The following TNS1 variants were observed in gnomAD, a reference collection of about 807,000 sequenced individuals.
TNS1 encodes tensin-1.
In TNS1, 62 loss-of-function variants were observed where a neutral mutation model predicts 168.6. The ratio of observed to expected loss-of-function variants is 0.37; its 90% CI spans 0.30 to 0.45. The LOEUF is 0.45. Ranked by LOEUF, TNS1 falls within the 20% of genes least tolerant of loss-of-function variation. The pLI, the probability that TNS1 is intolerant of heterozygous loss-of-function variation, is 1.00. For synonymous variants in TNS1, 934 were observed against 933.2 expected, an observed-to-expected ratio of 1.00 and a Z score of -0.02; for missense variants, 2,240 against 2,339.4, an observed-to-expected ratio of 0.96 and a Z score of 0.88.
At chr2:217,863,559 T>C (rs1381391407) in intron 18 of TNS1, among the ~76,000 whole-genome samples, 1 of 152,028 alleles carries the variant, frequency 6.6e-6, no homozygotes, top group East Asian at 1.9e-4. Flanking sequence ...TGGGGTGTAA[T>C]AGACCGATCT....
At chr2:217,872,808 G>A (rs1949883678) in intron 18 of TNS1, among the ~76,000 whole-genome samples, 2 of 152,238 alleles carry the variant, frequency 1.3e-5, no homozygotes. Context: ...AATTGATGGT[G>A]ATGTATGGAT....
chr2:217,950,566 T>C (rs968616342), intron 3 of TNS1, among the ~76,000 whole-genome samples: 1 of 150,392 alleles, frequency 6.6e-6, no homozygotes, highest in Admixed American at 6.7e-5. Context: ...GGCTCACATG[T>C]GCTGTCCCAG....
chr2:218,004,375 C>G (rs755670954), upstream of TNS1, among the ~76,000 whole-genome samples: 212 of 151,860 alleles, frequency 1.4e-3, no homozygotes, highest in African/African-American at 4.1e-3. Context: ...GCCTCCCCCC[C>G]CCACTCACCC....
Position 217,897,869 on chromosome 2 carries a change from C to T in TNS1, c.472G>A (p.Glu158Lys), listed in dbSNP as rs1952487211. The change falls in exon 8 of 33, where the codon GAG (glutamate) becomes AAG (lysine). Residue 158 changes from glutamate (E) to lysine (K), a missense_variant. Physicochemically the swap from Glu to Lys is moderately conservative, Grantham distance 56. This residue lies in a region of TNS1 where 2,131 missense variants were observed against 2,171.2 expected (regional missense o/e 0.98). Coordinates refer to ENST00000682258, the MANE Select transcript of TNS1 (RefSeq NM_001387777.1). The part of the protein sequence containing the change: ...IAVSFPSTAN[E>K]ENFRSNLREV... ...CGGAGGTTGCTCCGGAAGTTCTCCT[C>T]ATTGGCTGTGCTGGGGAAGGAGACA... The T allele has an allele frequency of 1.2e-6, 2 of 1,613,594 alleles. No individual in the cohort carries two copies. Among genetic ancestry groups the T allele is most frequent in the Non-Finnish European group, 8.5e-7 (1 of 1,179,794 alleles).
At chr2:218,026,811 G>A (rs992946364) in intron 1 of TNS1, among the ~76,000 whole-genome samples, 4 of 152,246 alleles carry the variant, frequency 2.6e-5, no homozygotes, top group South Asian at 4.1e-4. Flanking sequence ...TGCCTGGCCT[G>A]GGTCTAAGGT....
chr2:217,845,956 G>A (rs886691133), intron 19 of TNS1, among the ~76,000 whole-genome samples: 2 of 152,120 alleles, frequency 1.3e-5, no homozygotes, highest in East Asian at 1.9e-4. Context: ...AATATTGGGA[G>A]AGGAATTAAA....
In TNS1 at chr2:217,961,931, A is replaced by G. The variant is rs139105545; in HGVS notation, c.186+16834T>C. On this transcript the variant is annotated intron_variant, in intron 3 of 32. Transcript: ENST00000682258. ...TTGAAAAGGTGGGTGGCCTTCTCCA[A>G]TCAATTGAAGGCCATAAGAGCATAA... is the stretch of plus-strand genomic sequence containing the variant. Among the ~76,000 whole-genome samples, 312 of 152,306 alleles carry G rather than the reference A, an allele frequency of 2.0e-3. 1 individual carries two copies. The highest frequency in any genetic ancestry group is 3.3e-3 in the Non-Finnish European group (227 of 68,022).
At chr2:217,826,986 T>C (rs1943720558) in intron 22 of TNS1, among the ~76,000 whole-genome samples, 1 of 152,146 alleles carries the variant, frequency 6.6e-6, no homozygotes, top group Non-Finnish European at 1.5e-5. Context: ...GAAGGGAATA[T>C]GGAAACCCCC....
intron 19 of TNS1, among the ~76,000 whole-genome samples, chr2:217,840,144 T>C (rs1945752815): frequency 6.6e-6 from 1 of 152,222 alleles, no homozygotes; most frequent in African/African-American, 2.4e-5. Context: ...ACCAGATAAC[T>C]GACATTGGGA....
upstream of TNS1, among the ~76,000 whole-genome samples, chr2:218,010,967 C>T (rs1319608332): frequency 1.3e-5 from 2 of 152,288 alleles, no homozygotes; most frequent in Admixed American, 6.5e-5. Context: ...ACTCCTCAGC[C>T]AGGATCTCTC....
chr2:217,913,626 G>C (rs1954675043), intron 4 of TNS1, among the ~76,000 whole-genome samples: 1 of 152,038 alleles, frequency 6.6e-6, no homozygotes, highest in African/African-American at 2.4e-5. Context: ...CAGACTCCCA[G>C]CTCTAACACC....
intron 3 of TNS1, among the ~76,000 whole-genome samples, chr2:217,923,610 T>G (rs532300370): frequency 6.6e-6 from 1 of 152,214 alleles, no homozygotes; most frequent in South Asian, 2.1e-4. Flanking sequence ...CACGGAGCCA[T>G]CCACAGCCAC....
intron 3 of TNS1, among the ~76,000 whole-genome samples, chr2:217,941,080 C>T (rs542961769): frequency 1.1e-4 from 16 of 152,334 alleles, no homozygotes; most frequent in African/African-American, 3.6e-4. Flanking sequence ...GCATTATTTA[C>T]AAATGTGGAA....
rs138764092 is a variant in TNS1 at position 217,884,968 on chromosome 2, C to T, written c.1246+67G>A. 7.4e-4 allele frequency: 1,184 copies of T among 1,596,130 alleles called. 11 individuals are homozygous for T. In the African/African-American group the frequency reaches 0.013, roughly 18 times the overall value. On this transcript the variant is annotated intron_variant, in intron 16 of 32. Transcript: ENST00000682258. ...AAGATGGTCCCCATACCCACCATAT[C>T]GTCTCAAACTGAGCTCCTCTCCCTG... is the stretch of plus-strand genomic sequence containing the variant.
intron 1 of TNS1, among the ~76,000 whole-genome samples, chr2:218,026,048 T>A (rs1222556593): frequency 6.6e-6 from 1 of 152,136 alleles, no homozygotes; most frequent in Non-Finnish European, 1.5e-5. Context: ...CCTAGTAAAA[T>A]CCTCCATTCA....
At chr2:218,007,996 T>A (rs890077600) in intron 1 of TNS1, among the ~76,000 whole-genome samples, 1 of 152,120 alleles carries the variant, frequency 6.6e-6, no homozygotes, top group Non-Finnish European at 1.5e-5. Flanking sequence ...TAGTACCAGA[T>A]TGAGGTCACT....
At chr2:217,866,095 T>A (rs1467539817) in intron 18 of TNS1, among the ~76,000 whole-genome samples, 1 of 152,164 alleles carries the variant, frequency 6.6e-6, no homozygotes, top group Non-Finnish European at 1.5e-5. Context: ...CAGACCTCCA[T>A]CCTTCCAGCA....
intron 3 of TNS1, among the ~76,000 whole-genome samples, chr2:217,938,951 C>T (rs1274895994): frequency 1.3e-5 from 2 of 152,032 alleles, no homozygotes; most frequent in Non-Finnish European, 2.9e-5. Flanking sequence ...AAAATGACAC[C>T]AGCATCTTCT....
chr2:217,854,286 G>A (rs1242599057), intron 18 of TNS1, among the ~76,000 whole-genome samples: 1 of 152,180 alleles, frequency 6.6e-6, no homozygotes, highest in Non-Finnish European at 1.5e-5. Context: ...CAACCATGAA[G>A]AATAAAAGGT....
Sources: gnomAD v4.1 joint callset for allele counts (sites outside exome capture counted in the v4.1 genomes callset) on GRCh38, gnomAD v4.1.1 for gene constraint, gnomAD v4.1.1 regional missense constraint, MANE v1.5 for transcripts, NCBI Gene and HGNC (gene_info 2026-07-23, HGNC 2026-07-21) for gene names.